PCDH9: variants seen among roughly 807,000 people sequenced by gnomAD.
PCDH9 encodes the protein protocadherin 9.
Under a neutral mutation model 70.6 loss-of-function variants are expected in PCDH9, and 24 were observed. The observed-to-expected ratio is 0.34, with a 90% CI of 0.25 to 0.48. The LOEUF (loss-of-function observed/expected upper bound fraction) is 0.48. PCDH9 is among the 20% of genes least tolerant of loss of function. PCDH9 has a pLI of 0.99. For synonymous variants in PCDH9, 562 were observed against 558.5 expected, an observed-to-expected ratio of 1.01 and a Z score of -0.09; for missense variants, 1,281 against 1,503.6, an observed-to-expected ratio of 0.85 and a Z score of 2.45.
intron 4 of PCDH9, among the ~76,000 whole-genome samples, chr13:66,545,043 G>A (rs1025433238): frequency 2.0e-5 from 3 of 152,098 alleles, no homozygotes; most frequent in Non-Finnish European, 2.9e-5. Context: ...AATACAGATC[G>A]GATATAAAAA....
intron 3 of PCDH9, among the ~76,000 whole-genome samples, chr13:66,797,960 G>GTGT (rs1555270026): frequency 0.015 from 2,220 of 147,244 alleles, 51 homozygotes; most frequent in African/African-American, 0.051. Flanking sequence ...TTTCTTGGGG[G>GTGT]GTGTGTGTGT....
At position 67,051,382 on chromosome 13, in the gene PCDH9, A is replaced by ATT. The variant is rs567408801; in HGVS notation, c.3037-147779_3037-147778dup. Among the ~76,000 whole-genome samples the ATT allele has an allele frequency of 9.9e-4, 70 of 71,006 alleles. 4 individuals carry two copies. Among genetic ancestry groups the ATT allele is most frequent in the African/African-American group, 4.1e-3 (65 of 15,790 alleles). The allele number at this position is 71,006 out of a possible 152,430, so 46.6% of individuals were successfully genotyped here. On this transcript the variant is annotated intron_variant, in intron 2 of 4. Coordinates refer to ENST00000377865, the MANE Select transcript of PCDH9 (RefSeq NM_203487.3). ...CGAAATACCAGGAAAACAATACAAG[A>ATT]TTTTTTTTTTTTTTTTTTTTTTTTT... is the stretch of plus-strand genomic sequence containing the variant.
chr13:66,684,172 G>T (rs545726977), intron 3 of PCDH9, among the ~76,000 whole-genome samples: 2 of 152,288 alleles, frequency 1.3e-5, no homozygotes, highest in East Asian at 3.9e-4. Flanking sequence ...GAAAATAAAT[G>T]ACAGTTTAGT....
chr13:66,447,831 A>G (rs545179266), intron 4 of PCDH9, among the ~76,000 whole-genome samples: 1 of 152,334 alleles, frequency 6.6e-6, no homozygotes, highest in South Asian at 2.1e-4. Context: ...TTAGATTATT[A>G]TCTTGAATGT....
intron 3 of PCDH9, among the ~76,000 whole-genome samples, chr13:66,750,462 C>T (rs2079440249): frequency 6.6e-6 from 1 of 151,996 alleles, no homozygotes; most frequent in African/African-American, 2.4e-5. Context: ...TAAAGAAAGC[C>T]TAAAATGTGA....
At chr13:66,311,513 A>C (rs1294005237) in intron 4 of PCDH9, among the ~76,000 whole-genome samples, 2 of 152,038 alleles carry the variant, frequency 1.3e-5, no homozygotes, top group African/African-American at 4.8e-5. Flanking sequence ...AGGCAAATTT[A>C]CTTGATAGAC....
chr13:67,108,817 C>T (rs2086598738), intron 2 of PCDH9, among the ~76,000 whole-genome samples: 3 of 152,114 alleles, frequency 2.0e-5, no homozygotes, highest in Non-Finnish European at 2.9e-5. Flanking sequence ...GCAATGAATG[C>T]ATATTTGAGG....
chr13:66,602,502 A>AC (rs1344849795), intron 4 of PCDH9, among the ~76,000 whole-genome samples: 2 of 146,010 alleles, frequency 1.4e-5, no homozygotes, highest in African/African-American at 4.9e-5. Flanking sequence ...AATTAAAAAA[A>AC]AACAACAACA....
chr13:66,627,924 C>T (rs1335406469), intron 4 of PCDH9, among the ~76,000 whole-genome samples: 1 of 152,180 alleles, frequency 6.6e-6, no homozygotes, highest in African/African-American at 2.4e-5. Context: ...GTCGAAGTCA[C>T]TGGGTAAATT....
At chr13:66,522,243 T>A (rs375541844) in intron 4 of PCDH9, among the ~76,000 whole-genome samples, 58 of 151,862 alleles carry the variant, frequency 3.8e-4, no homozygotes, top group African/African-American at 1.4e-3. Context: ...TTTTAAAAAA[T>A]CTTGTATCTT....
At chr13:66,907,697 C>A (rs1223528450) in intron 2 of PCDH9, among the ~76,000 whole-genome samples, 2 of 152,102 alleles carry the variant, frequency 1.3e-5, no homozygotes, top group Non-Finnish European at 1.5e-5. Flanking sequence ...TATGGAAGAT[C>A]TTTTTATGAA....
In PCDH9 at chr13:66,717,480, A is replaced by AAT. The variant is rs1169570608; in HGVS notation, c.3139-86071_3139-86070dup. On this transcript the variant is annotated intron_variant, in intron 3 of 4. Transcript: ENST00000377865. ...AAAAAAAAAAAAAAAAAAAAAAAAAAATATATATATATATATATATATATA... is the reference window on the plus strand; with the variant it reads ...AAAAAAAAAAAAAAAAAAAAAAAAAAATATATATATATATATATATATATATA... Among the ~76,000 whole-genome samples, 232 of 44,418 alleles carry AAT rather than the reference A, an allele frequency of 5.2e-3. 2 individuals carry two copies. Among genetic ancestry groups the AAT allele is most frequent in the African/African-American group, 0.019 (215 of 11,294 alleles). The allele number at this position is 44,418 out of a possible 152,430, so 29.1% of individuals were successfully genotyped here.
chr13:67,037,832 A>G (rs2085039841), intron 2 of PCDH9, among the ~76,000 whole-genome samples: 1 of 152,224 alleles, frequency 6.6e-6, no homozygotes, highest in Non-Finnish European at 1.5e-5. Flanking sequence ...ATACTTCAGT[A>G]TCTCAGCAGT....
chr13:66,690,344 C>G (rs1356491499), intron 3 of PCDH9, among the ~76,000 whole-genome samples: 1 of 152,038 alleles, frequency 6.6e-6, no homozygotes, highest in East Asian at 1.9e-4. Context: ...AAAAAAACTT[C>G]GAGGTAATCC....
chr13:66,725,337 C>T (rs1157279222), intron 3 of PCDH9, among the ~76,000 whole-genome samples: 1 of 152,166 alleles, frequency 6.6e-6, no homozygotes, highest in African/African-American at 2.4e-5. Flanking sequence ...AATTGATCTC[C>T]CTGCTTCTAC....
chr13:66,665,889 C>T (rs573027854), intron 3 of PCDH9, among the ~76,000 whole-genome samples: 44 of 151,824 alleles, frequency 2.9e-4, no homozygotes, highest in East Asian at 5.8e-4. Context: ...GGGTAAGTAA[C>T]GAAATGATTT....
chr13:66,540,481 T>G (rs1960907498), intron 4 of PCDH9, among the ~76,000 whole-genome samples: 1 of 152,152 alleles, frequency 6.6e-6, no homozygotes, highest in African/African-American at 2.4e-5. Flanking sequence ...TTAAGCTTTT[T>G]TTACATAGCA....
In PCDH9 at chr13:66,605,843, T is replaced by C. The variant is rs546379153; in HGVS notation, c.3340+25367A>G. On this transcript the variant is annotated intron_variant, in intron 4 of 4. Coordinates refer to ENST00000377865, the MANE Select transcript of PCDH9 (RefSeq NM_203487.3). ...TCGGATAGTAAGACTTCATACACCA[T>C]GTGCTAGGGACATTTGTTTTTTCCT... Among the ~76,000 whole-genome samples the C allele has an allele frequency of 2.0e-4, 31 of 152,250 alleles. No homozygotes were observed. In the South Asian group the frequency reaches 5.2e-3, roughly 25 times the overall value.
intron 2 of PCDH9, among the ~76,000 whole-genome samples, chr13:67,018,595 G>C (rs950256736): frequency 1.7e-4 from 24 of 141,112 alleles, no homozygotes; most frequent in African/African-American, 5.5e-4. Context: ...CTTCAGCCTG[G>C]CAACAGAGCG....
Sources: gnomAD v4.1 joint callset for allele counts (sites outside exome capture counted in the v4.1 genomes callset) on GRCh38, gnomAD v4.1.1 for gene constraint, MANE v1.5 for transcripts, NCBI Gene and HGNC (gene_info 2026-07-23, HGNC 2026-07-21) for gene names.